BCAR3: variants seen among roughly 807,000 people sequenced by gnomAD.
BCAR3 encodes BCAR3 adaptor protein, NSP family member.
A neutral mutation model predicts 80.1 loss-of-function variants in BCAR3; 37 were observed. The observed-to-expected ratio is 0.46, with a 90% CI of 0.36 to 0.61. The LOEUF (loss-of-function observed/expected upper bound fraction) is 0.61. BCAR3 is among the 20% of genes least tolerant of loss of function. The pLI, the probability that BCAR3 is intolerant of heterozygous loss-of-function variation, is 0.00. For missense variants in BCAR3, 978 were observed against 1,068.2 expected (o/e 0.92, Z 1.18); for synonymous variants, 389 against 418.9 (o/e 0.93, Z 0.87).
intron 2 of BCAR3, among the ~76,000 whole-genome samples, chr1:93,789,071 C>CT (rs1202063725): frequency 2.6e-5 from 4 of 152,060 alleles, no homozygotes; most frequent in Non-Finnish European, 4.4e-5. Flanking sequence ...TCCTAGCTCA[C>CT]TATAACCTCT....
chr1:93,800,575 CTAAATAAATAAA>C (rs3068793), intron 2 of BCAR3, among the ~76,000 whole-genome samples: 9 of 150,490 alleles, frequency 6.0e-5, no homozygotes, highest in African/African-American at 2.2e-4. Context: ...GACTCTGTCT[CTAAATAAATAAA>C]TAAATAAATA....
chr1:93,624,773 G>T (rs892444011), intron 3 of BCAR3, among the ~76,000 whole-genome samples: 2 of 152,180 alleles, frequency 1.3e-5, no homozygotes, highest in African/African-American at 4.8e-5. Flanking sequence ...AGAAGGTAGG[G>T]GCCCTTCCCT....
intron 2 of BCAR3, 39 bp from the exon 3 acceptor site, chr1:93,642,382 C>CGAT (rs754201418): frequency 1.8e-5 from 28 of 1,566,452 alleles, no homozygotes; most frequent in African/African-American, 2.7e-5. Flanking sequence ...TGGTTGGGAA[C>CGAT]GATGCATTCT....
At chr1:93,714,216 C>T (rs939630658) in intron 2 of BCAR3, among the ~76,000 whole-genome samples, 6 of 152,192 alleles carry the variant, frequency 3.9e-5, no homozygotes, top group Admixed American at 1.3e-4. Context: ...CTCCTGACCT[C>T]GTGATCCGCC....
At chr1:93,831,002 G>A (rs1654543368) in intron 2 of BCAR3, among the ~76,000 whole-genome samples, 1 of 152,026 alleles carries the variant, frequency 6.6e-6, no homozygotes, top group South Asian at 2.1e-4. Context: ...TTCCTCTCTA[G>A]TAGAGACAAA....
chr1:93,615,008 T>C (rs1272794244), intron 3 of BCAR3, among the ~76,000 whole-genome samples: 2 of 149,832 alleles, frequency 1.3e-5, no homozygotes, highest in Non-Finnish European at 3.0e-5. Flanking sequence ...CGAGTTCTTT[T>C]TTTTTTTTTT....
intron 2 of BCAR3, among the ~76,000 whole-genome samples, chr1:93,784,273 T>C (rs1652867540): frequency 1.3e-5 from 2 of 150,734 alleles, no homozygotes; most frequent in African/African-American, 4.9e-5. Context: ...CCAGAATAGA[T>C]AGTAAAATCT....
chr1:93,659,481 C>G (rs1027115212), intron 2 of BCAR3, among the ~76,000 whole-genome samples: 2 of 152,120 alleles, frequency 1.3e-5, no homozygotes, highest in African/African-American at 4.8e-5. Flanking sequence ...GCATGAGACA[C>G]CATGCCTGGC....
intron 3 of BCAR3, among the ~76,000 whole-genome samples, chr1:93,602,787 C>T (rs978801127): frequency 2.6e-5 from 4 of 152,162 alleles, no homozygotes; most frequent in Non-Finnish European, 5.9e-5. Context: ...AAACCCTGCC[C>T]GAAGCTGAAA....
At chr1:93,810,765 G>C (rs531252894) in intron 2 of BCAR3, among the ~76,000 whole-genome samples, 13 of 152,290 alleles carry the variant, frequency 8.5e-5, no homozygotes, top group African/African-American at 3.1e-4. Flanking sequence ...TTTCTGACTA[G>C]TGGAATTGAG....
intron 2 of BCAR3, among the ~76,000 whole-genome samples, chr1:93,738,315 T>G (rs1651054198): frequency 6.6e-6 from 1 of 152,216 alleles, no homozygotes; most frequent in African/African-American, 2.4e-5. Context: ...CACTCAATAC[T>G]TTCATGCTCA....
intron 4 of BCAR3, among the ~76,000 whole-genome samples, chr1:93,590,557 TAAG>T (rs921435536): frequency 2.0e-5 from 3 of 152,236 alleles, no homozygotes; most frequent in Non-Finnish European, 4.4e-5. Context: ...ATGACCATGA[TAAG>T]GAGACGGACG....
At chr1:93,730,332 G>A (rs569002716) in intron 2 of BCAR3, among the ~76,000 whole-genome samples, 2 of 152,078 alleles carry the variant, frequency 1.3e-5, no homozygotes, top group East Asian at 1.9e-4. Context: ...TGCTCATCAC[G>A]CTTGTAATTG....
At chr1:93,742,633 C>T (rs553634949) in intron 2 of BCAR3, among the ~76,000 whole-genome samples, 67 of 152,328 alleles carry the variant, frequency 4.4e-4, no homozygotes, top group Admixed American at 2.7e-3. Context: ...TCATCCTTGT[C>T]ATCTGTTTTT....
At chr1:93,702,582 C>T (rs1649683777) in intron 3 of BCAR3, among the ~76,000 whole-genome samples, 1 of 152,190 alleles carries the variant, frequency 6.6e-6, no homozygotes, top group Admixed American at 6.5e-5. Flanking sequence ...GGGATGTCCC[C>T]TGTCTTCGAT....
intron 2 of BCAR3, among the ~76,000 whole-genome samples, chr1:93,841,972 C>A (rs147720182): frequency 6.6e-6 from 1 of 152,312 alleles, no homozygotes; most frequent in Non-Finnish European, 1.5e-5. Context: ...CTAGCCACAG[C>A]ATTCCTTGTA....
Position 93,640,074 on chromosome 1 carries a change from T to C in BCAR3, c.357+2230A>G, listed in dbSNP as rs992419474. Among the ~76,000 whole-genome samples, 51 of 152,124 alleles carry C rather than the reference T, an allele frequency of 3.4e-4. 1 individual carries two copies. Among genetic ancestry groups the C allele is most frequent in the African/African-American group, 1.2e-3 (49 of 41,414 alleles). Reference sequence around the variant, plus strand: ...AAGAGGCATTAAGTGCACAAGCGGATTGTAGATAAGAAGTTAAGGGGGTCA... The same window carrying C: ...AAGAGGCATTAAGTGCACAAGCGGACTGTAGATAAGAAGTTAAGGGGGTCA... On this transcript the variant is annotated intron_variant, in intron 3 of 11. Transcript: ENST00000260502.
At chr1:93,603,074 G>C (rs1674671762) in intron 3 of BCAR3, among the ~76,000 whole-genome samples, 1 of 152,200 alleles carries the variant, frequency 6.6e-6, no homozygotes, top group South Asian at 2.1e-4. Flanking sequence ...GGGATGCTAG[G>C]CTAGAAAAAT....
At chr1:93,755,776 C>T (rs573959881) in intron 2 of BCAR3, among the ~76,000 whole-genome samples, 26 of 152,186 alleles carry the variant, frequency 1.7e-4, no homozygotes, top group African/African-American at 5.3e-4. Context: ...TGTACGTGTG[C>T]GTGTGCATGT....
Sources: gnomAD v4.1 joint callset for allele counts (sites outside exome capture counted in the v4.1 genomes callset) on GRCh38, gnomAD v4.1.1 for gene constraint, MANE v1.5 for transcripts, NCBI Gene and HGNC (gene_info 2026-07-23, HGNC 2026-07-21) for gene names.